The following PRKCA variants were observed in gnomAD, a reference collection of about 807,000 sequenced individuals.
PRKCA encodes the protein protein kinase C alpha.
In PRKCA, 27 loss-of-function variants were observed where a neutral mutation model predicts 87.0. That is an observed-to-expected ratio of 0.31 (90% CI 0.23 to 0.43). PRKCA has a LOEUF of 0.43. Among genes scored for constraint, PRKCA ranks in the 20% least tolerant of loss-of-function variants. PRKCA has a pLI of 1.00. For synonymous variants in PRKCA, 329 were observed against 311.1 expected (o/e 1.06, Z -0.61); for missense variants, 518 against 852.3 (o/e 0.61, Z 4.88).
chr17:66,564,307 G>C (rs563541491), intron 3 of PRKCA, among the ~76,000 whole-genome samples: 1 of 152,292 alleles, frequency 6.6e-6, no homozygotes, highest in South Asian at 2.1e-4. Flanking sequence ...TCAAACTCCT[G>C]ACCTCAGGTG....
At chr17:66,447,234 A>G (rs1219553593) in intron 2 of PRKCA, among the ~76,000 whole-genome samples, 2 of 152,130 alleles carry the variant, frequency 1.3e-5, no homozygotes, top group African/African-American at 4.8e-5. Flanking sequence ...ATGGTGACAG[A>G]GTGAGAGAGG....
At chr17:66,431,914 A>C (rs1913117279) in intron 2 of PRKCA, among the ~76,000 whole-genome samples, 1 of 152,216 alleles carries the variant, frequency 6.6e-6, no homozygotes, top group Non-Finnish European at 1.5e-5. Flanking sequence ...ATGGAAAACC[A>C]GTAATAATTT....
At chr17:66,778,468 A>G (rs1975117643) in intron 14 of PRKCA, among the ~76,000 whole-genome samples, 1 of 152,320 alleles carries the variant, frequency 6.6e-6, no homozygotes, top group African/African-American at 2.4e-5. Flanking sequence ...GTGAGCCGAG[A>G]TCGCGCCACT....
chr17:66,583,460 G>A (rs1429058004), intron 3 of PRKCA, among the ~76,000 whole-genome samples: 1 of 152,158 alleles, frequency 6.6e-6, no homozygotes, highest in Non-Finnish European at 1.5e-5. Context: ...GAGAATTAAA[G>A]TGATGTCCTG....
At chr17:66,336,566 CT>C (rs888983759) in intron 2 of PRKCA, among the ~76,000 whole-genome samples, 2 of 125,388 alleles carry the variant, frequency 1.6e-5, no homozygotes, top group African/African-American at 5.2e-5. Context: ...GTGCTTTGCT[CT>C]TTTTCCCCCT....
intron 2 of PRKCA, among the ~76,000 whole-genome samples, chr17:66,480,211 G>C (rs797001612): frequency 2.6e-5 from 4 of 151,880 alleles, no homozygotes; most frequent in African/African-American, 9.7e-5. Flanking sequence ...CCTTTGTCTC[G>C]TGTTTTTCCC....
intron 5 of PRKCA, among the ~76,000 whole-genome samples, chr17:66,646,216 A>G (rs1344302336): frequency 6.6e-6 from 1 of 152,124 alleles, no homozygotes; most frequent in Non-Finnish European, 1.5e-5. Context: ...TTCCCTATCC[A>G]GGGGCCTGGT....
chr17:66,388,816 A>G (rs1260565344), intron 2 of PRKCA, among the ~76,000 whole-genome samples: 1 of 152,194 alleles, frequency 6.6e-6, no homozygotes, highest in Non-Finnish European at 1.5e-5. Context: ...TGTGTGGGTC[A>G]CAGAGTTGGA....
chr17:66,341,321 G>A (rs1907030962), intron 2 of PRKCA, among the ~76,000 whole-genome samples: 1 of 152,130 alleles, frequency 6.6e-6, no homozygotes, highest in Non-Finnish European at 1.5e-5. Context: ...TCAGAGCATG[G>A]TGACATTTTT....
At chr17:66,396,689 C>T (rs571251736) in intron 2 of PRKCA, among the ~76,000 whole-genome samples, 10 of 142,346 alleles carry the variant, frequency 7.0e-5, no homozygotes, top group African/African-American at 2.3e-4. Context: ...AGTACAGTGG[C>T]GCGATCTCCG....
chr17:66,687,550 C>T (rs1439812886), intron 6 of PRKCA, among the ~76,000 whole-genome samples: 1 of 152,112 alleles, frequency 6.6e-6, no homozygotes, highest in African/African-American at 2.4e-5. Flanking sequence ...AGAATTTAAG[C>T]TAAAAATGTG....
chr17:66,364,456 A>G (rs1354827731), intron 2 of PRKCA: 1 of 152,176 alleles, frequency 6.6e-6, no homozygotes, highest in Non-Finnish European at 1.5e-5. Context: ...GGAATCAAGG[A>G]AGTAACATTT....
At chr17:66,455,424 C>T (rs775652610) in intron 2 of PRKCA, among the ~76,000 whole-genome samples, 5 of 152,090 alleles carry the variant, frequency 3.3e-5, no homozygotes, top group East Asian at 3.9e-4. Context: ...AAAGGTCCCC[C>T]GAAGCACTTT....
At chr17:66,472,066 G>A (rs76853812) in intron 2 of PRKCA, among the ~76,000 whole-genome samples, 9,677 of 152,218 alleles carry the variant, frequency 0.064, 1,022 homozygotes, top group African/African-American at 0.22. Flanking sequence ...GGCTCAAGCA[G>A]TCCTTTCCTG....
intron 1 of PRKCA, among the ~76,000 whole-genome samples, chr17:66,304,346 A>G (rs139822044): frequency 1.3e-5 from 2 of 152,200 alleles, no homozygotes; most frequent in Non-Finnish European, 2.9e-5. Flanking sequence ...GCTGGAACTA[A>G]AGGAGCTCTA....
intron 3 of PRKCA, among the ~76,000 whole-genome samples, chr17:66,509,090 C>T (rs1048070526): frequency 6.6e-6 from 1 of 152,050 alleles, no homozygotes; most frequent in African/African-American, 2.4e-5. Context: ...CGCTGTGTTT[C>T]CCAGTGTTTC....
chr17:66,562,129 T>TA (rs1268688350), intron 3 of PRKCA, among the ~76,000 whole-genome samples: 1 of 34,954 alleles, frequency 2.9e-5, no homozygotes, highest in African/African-American at 2.7e-4. Flanking sequence ...TAAATATATA[T>TA]AATTAAATTA....
chr17:66,529,120 A>G (rs756363529), intron 3 of PRKCA, among the ~76,000 whole-genome samples: 16 of 152,132 alleles, frequency 1.1e-4, no homozygotes, highest in Non-Finnish European at 2.1e-4. Context: ...TTTGATTACT[A>G]TTGGTGTCCT....
At chr17:66,632,585 G>A (rs540109496) in intron 3 of PRKCA, among the ~76,000 whole-genome samples, 1 of 151,828 alleles carries the variant, frequency 6.6e-6, no homozygotes, top group African/African-American at 2.4e-5. Context: ...TCGTTATGTT[G>A]CCCCAGCTAG....
Sources: allele counts gnomAD v4.1 joint callset (sites outside exome capture counted in the v4.1 genomes callset), GRCh38; gene constraint gnomAD v4.1.1; transcripts MANE v1.5; gene names NCBI Gene and HGNC (gene_info 2026-07-23, HGNC 2026-07-21).